The following PKD1 variants were observed in gnomAD, a reference collection of about 807,000 sequenced individuals.
The protein encoded by PKD1 is polycystin-1.
PKD1 carries 81 observed loss-of-function variants against 361.7 expected under a neutral mutation model. That is an observed-to-expected ratio of 0.22 (90% CI 0.19 to 0.27). PKD1 has a LOEUF of 0.27. Ranked by LOEUF, PKD1 falls within the 10% of genes least tolerant of loss-of-function variation. The probability of loss-of-function intolerance (pLI) is 1.00; values close to 1 mark genes in which losing one functional copy is unlikely to be tolerated. For synonymous variants in PKD1, 3,615 were observed against 2,818.3 expected, an observed-to-expected ratio of 1.28 and a Z score of -8.95; for missense variants, 6,399 against 6,118.3, an observed-to-expected ratio of 1.05 and a Z score of -1.53.
At chr16:2,113,379 G>A (rs994384616) in intron 11 of PKD1, 87 bp from the exon 12 acceptor site, 1 of 1,288,102 alleles carries the variant, frequency 7.8e-7, no homozygotes, top group East Asian at 2.3e-5. Context: ...CGTCGGGCTG[G>A]AGAGTCCCAC....
At position 2,097,444 on chromosome 16, in the gene PKD1, G is replaced by T. The variant is rs531914267; in HGVS notation, c.10280C>A (p.Pro3427Gln). The T allele has an allele frequency of 1.2e-6, 2 of 1,606,438 alleles. No homozygotes were observed. The highest frequency in any genetic ancestry group is 1.7e-5 in the Admixed American group (1 of 60,006). Residue 3427 changes from proline to glutamine, a missense_variant, in exon 33 of 46, where the codon CCG (proline) becomes CAG (glutamine). Transcript: ENST00000262304. ...CCGCAGATTGCTACCCACAATGGAC[G>T]GGTCACTGAGCAGGTCCGGCCAACT... ...TLSWPDLLSD[P>Q]SIVGSNLRQL...
chr16:2,111,129 T>C lies in PKD1; in HGVS notation c.4038A>G (p.Thr1346=). Residue 1346 remains threonine, a synonymous_variant, in exon 15 of 46, where the codon ACA becomes ACG. Transcript: ENST00000262304. The stretch of plus-strand genomic sequence containing the variant: ...ACGTGCCGCTCCGCGTGAAGTTGTG[T>C]GTCACCGTCGGGCACCCCCGCACGG... ...NTTVRGCPTV[T]HNFTRSGTFP... The C allele has an allele frequency of 6.2e-7, 1 of 1,610,946 alleles. No individual in the cohort carries two copies. The highest frequency in any genetic ancestry group is 1.1e-5 in the South Asian group (1 of 91,014).
rs1454947432 is a variant in PKD1, at chr16:2,090,555, C to T, written c.12174G>A (p.Val4058=). 2 of 1,609,502 alleles carry T rather than the reference C, an allele frequency of 1.2e-6. No homozygotes were observed. Among genetic ancestry groups the T allele is most frequent in the South Asian group, 2.2e-5 (2 of 90,984 alleles). The part of the protein sequence containing the change: ...VSSCVDSLWS[V]AQALLVLCPG... ...GGCACAGCACCAACAGGGCCTGGGCCACGCTCCAGAGGGAGTCCACACAGG... is the reference window on the plus strand; with the variant it reads ...GGCACAGCACCAACAGGGCCTGGGCTACGCTCCAGAGGGAGTCCACACAGG... The change falls in exon 45 of 46, where the codon GTG becomes GTA. Residue 4058 remains valine (V), a synonymous_variant. Transcript: ENST00000262304.
Position 2,097,357 on chromosome 16 carries a change from G to A in PKD1, c.10367C>T (p.Ala3456Val). 6.2e-7 allele frequency: 1 copy of A among 1,612,328 alleles called. No homozygotes were observed. The highest frequency in any genetic ancestry group is 8.5e-7 in the Non-Finnish European group (1 of 1,179,966). Residue 3456 changes from alanine (A) to valine (V), a missense_variant, in exon 33 of 46, where the codon GCC becomes GTC. Coordinates refer to ENST00000262304, the MANE Select transcript of PKD1 (RefSeq NM_001009944.3). Reference protein sequence around the residue: ...LGPEEDGFSLASPYSPAKSFS... With the variant: ...LGPEEDGFSLVSPYSPAKSFS... The stretch of plus-strand genomic sequence containing the variant: ...GGATTTGGCAGGCGAGTAGGGGCTG[G>A]CCAGGGAGAAGCCGTCCTCCTCTGG...
chr16:2,111,548 G>A lies in PKD1; in HGVS notation c.3619C>T (p.Arg1207Cys), dbSNP rs777331724. 5.0e-6 allele frequency: 8 copies of A among 1,593,864 alleles called. No homozygotes were observed. Among genetic ancestry groups the A allele is most frequent in the South Asian group, 2.3e-5 (2 of 88,860 alleles). The change falls in exon 15 of 46, where the codon CGC (arginine) becomes TGC (cysteine). Residue 1207 changes from arginine (R) to cysteine (C), a missense_variant. By Grantham distance (180) the Arg-to-Cys change is radical (BLOSUM62 -3). Transcript: ENST00000262304. ...VSGAAAQADV[R>C]VFEELRGLSV... Reference sequence around the variant, plus strand: ...AGTCCGCGGAGCTCCTCAAAGACGCGCACATCCGCCTGGGCCGCCGCACCG... The same window carrying A: ...AGTCCGCGGAGCTCCTCAAAGACGCACACATCCGCCTGGGCCGCCGCACCG...
rs1405303182 is a variant in PKD1 at position 2,112,914 on chromosome 16, G to T, written c.3035C>A (p.Thr1012Asn). Residue 1012 changes from threonine to asparagine, a missense_variant, in exon 13 of 46, where the codon ACC (threonine) becomes AAC (asparagine). Transcript: ENST00000262304. ...VSNVTVNYNV[T>N]VERMNRMQGL... is the part of the protein sequence containing the mutation. ...CTGCATCCTGTTCATCCGCTCCACG[G>T]TTACGTTGTAGTTCACGGTGACGTT... 6.2e-7 allele frequency: 1 copy of T among 1,606,070 alleles called. No homozygotes were observed. Among genetic ancestry groups the T allele is most frequent in the East Asian group, 2.2e-5 (1 of 44,886 alleles).
chr16:2,111,839 C>A lies in PKD1; in HGVS notation c.3328G>T (p.Ala1110Ser), dbSNP rs1343100088. The A allele has an allele frequency of 6.2e-7, 1 of 1,610,294 alleles. No homozygotes were observed. Among genetic ancestry groups the A allele is most frequent in the Non-Finnish European group, 8.5e-7 (1 of 1,179,554 alleles). ...ACCTGCTGCGTCAGGTTCTCGAAGGCATTAGATGCCAGCACGGTCAGGAGG... is the reference window on the plus strand; with the variant it reads ...ACCTGCTGCGTCAGGTTCTCGAAGGAATTAGATGCCAGCACGGTCAGGAGG... ...EYLLTVLASN[A>S]FENLTQQVPV... Residue 1110 changes from alanine (A) to serine (S), a missense_variant, in exon 15 of 46, where the codon GCC becomes TCC. Physicochemically the swap from Ala to Ser is moderately conservative, Grantham distance 99. Coordinates refer to ENST00000262304, the MANE Select transcript of PKD1 (RefSeq NM_001009944.3).
chr16:2,105,253 G>A lies in PKD1; in HGVS notation c.8016+69C>T, dbSNP rs552038408. ...AGCTCCTCGGCCAAGCTGCCCGTCT[G>A]CCCTGGGGGGCTGAACCCAGTGCCC... On this transcript the variant is annotated intron_variant, in intron 21 of 45. Coordinates refer to ENST00000262304, the MANE Select transcript of PKD1 (RefSeq NM_001009944.3). 7.8e-6 allele frequency: 12 copies of A among 1,537,218 alleles called. No homozygotes were observed. The East Asian group carries it at 2.5e-4, about 32-fold the overall frequency.
rs1349833046 is a variant in PKD1, at chr16:2,114,920, G to C, written c.2103C>G (p.Thr701=). Residue 701 remains threonine, a synonymous_variant, in exon 11 of 46, where the codon ACC becomes ACG. Coordinates refer to ENST00000262304, the MANE Select transcript of PKD1 (RefSeq NM_001009944.3). ...PAGPPAQYSV[T]LHGQDVLMLP... The stretch of plus-strand genomic sequence containing the variant: ...GCATGAGGACATCCTGGCCGTGGAG[G>C]GTGACCTGTGGAGAGGGAGGCAGGG... 2.0e-6 allele frequency: 3 copies of C among 1,530,276 alleles called. No homozygotes were observed. The African/African-American group carries it at 4.1e-5, about 21-fold the overall frequency. 94.8% of individuals were successfully genotyped at this position (1,530,276 alleles called of 1,614,324 possible).
chr16:2,125,001 C>A (rs369053606), intron 1 of PKD1, among the ~76,000 whole-genome samples: 3 of 152,196 alleles, frequency 2.0e-5, no homozygotes, highest in African/African-American at 4.8e-5. Context: ...AGGAAATGGG[C>A]TGCAGTGTGG....
At position 2,109,590 on chromosome 16, in the gene PKD1, A is replaced by G. The variant is rs140662778; in HGVS notation, c.5577T>C (p.Ala1859=). ...GPHVTMVFPD[A]GTFSIRLNAS... is the part of the protein sequence containing the mutation. Reference sequence around the variant, plus strand: ...CATTGAGCCGGATGGAGAAGGTGCCAGCATCCGGGAAGACCATGGTGACAT... The same window carrying G: ...CATTGAGCCGGATGGAGAAGGTGCCGGCATCCGGGAAGACCATGGTGACAT... The change falls in exon 15 of 46, where the codon GCT becomes GCC. Residue 1859 remains alanine (A), a synonymous_variant. Transcript: ENST00000262304. 2.6e-4 allele frequency: 420 copies of G among 1,611,380 alleles called. 1 individual carries two copies. Among genetic ancestry groups the G allele is most frequent in the Middle Eastern group, 1.7e-3 (10 of 5,822 alleles).
rs2091248537 is a variant in PKD1, at chr16:2,088,747, G to C, written c.*980C>G. 1 of 1,262,094 alleles carries C rather than the reference G, an allele frequency of 7.9e-7. No homozygotes were observed. 78.2% of individuals were successfully genotyped at this position (1,262,094 alleles called of 1,614,324 possible). ...CTCTTTTATTGACTTTGTCTGCTTGGTGCGGGGGTTGGGGGGGTGTCGAGG... is the reference window on the plus strand; with the variant it reads ...CTCTTTTATTGACTTTGTCTGCTTGCTGCGGGGGTTGGGGGGGTGTCGAGG... On this transcript the variant is annotated 3_prime_UTR_variant, in exon 46 of 46. Coordinates refer to ENST00000262304, the MANE Select transcript of PKD1 (RefSeq NM_001009944.3).
rs760951921 is a variant in PKD1 at position 2,113,182 on chromosome 16, G to A, written c.2964C>T (p.Ser988=). The part of the protein sequence containing the change: ...QNVVFNVIYQ[S]AAVFKLSLTA... ...CTACTGAGAGCTTGAAGACCGCCGC[G>A]CTCTGATAAATGACATTGAAGACCA... Residue 988 remains serine (S), a synonymous_variant, in exon 12 of 46, where the codon AGC becomes AGT. Coordinates refer to ENST00000262304, the MANE Select transcript of PKD1 (RefSeq NM_001009944.3). 1.8e-5 allele frequency: 20 copies of A among 1,088,016 alleles called. No homozygotes were observed. Among genetic ancestry groups the A allele is most frequent in the East Asian group, 9.5e-5 (4 of 41,990 alleles). 67.4% of individuals were successfully genotyped at this position (1,088,016 alleles called of 1,614,324 possible). A position where few individuals can be genotyped will look rare whatever the true frequency, so the allele number is the denominator to read the frequency against.
At position 2,114,666 on chromosome 16, in the gene PKD1, G is replaced by C; in HGVS notation, c.2357C>G (p.Pro786Arg). Residue 786 changes from proline (P) to arginine (R), a missense_variant, in exon 11 of 46, where the codon CCC (proline) becomes CGC (arginine). Pro to Arg is a moderately radical substitution (Grantham distance 103). Coordinates refer to ENST00000262304, the MANE Select transcript of PKD1 (RefSeq NM_001009944.3). ...EQLTVLLGLR[P>R]NPGLRLPGRY... is the part of the protein sequence containing the mutation. Reference sequence around the variant, plus strand: ...CCCAGGCAGCCGCAGTCCAGGGTTGGGCCTCAAGCCCAGCAGCACGGTGAG... The same window carrying C: ...CCCAGGCAGCCGCAGTCCAGGGTTGCGCCTCAAGCCCAGCAGCACGGTGAG... 4 of 1,549,064 alleles carry C rather than the reference G, an allele frequency of 2.6e-6. No homozygotes were observed. Among genetic ancestry groups the C allele is most frequent in the Non-Finnish European group, 3.5e-6 (4 of 1,155,898 alleles).
At chr16:2,101,025 AC>A (rs1218731937) in intron 26 of PKD1, among the ~76,000 whole-genome samples, 1 of 151,218 alleles carries the variant, frequency 6.6e-6, no homozygotes, top group Non-Finnish European at 1.5e-5. Flanking sequence ...TTGCTGTGTC[AC>A]CCAGGCTGGA....
chr16:2,092,440 A>AG, intron 39 of PKD1, 40 bp downstream of exon 39: 1 of 1,362,584 alleles, frequency 7.3e-7, no homozygotes, highest in South Asian at 1.2e-5. Flanking sequence ...TCTCAACAAG[A>AG]GGAACGATTT....
At chr16:2,095,586 G>A (rs1421792145) in intron 34 of PKD1, among the ~76,000 whole-genome samples, 1 of 152,250 alleles carries the variant, frequency 6.6e-6, no homozygotes, top group Non-Finnish European at 1.5e-5. Flanking sequence ...GACGGAGGGT[G>A]CAGGCTCAGG....
chr16:2,099,823 G>T (rs1026734906), intron 29 of PKD1, 38 bp downstream of exon 29: 7 of 1,556,954 alleles, frequency 4.5e-6, no homozygotes, highest in Non-Finnish European at 4.3e-6. Context: ...AGGAAGGGCT[G>T]GGCAGGAAGA....
rs1344452327 is a variant in PKD1 at position 2,118,293 on chromosome 16, C to G, written c.699G>C (p.Gly233=). The G allele has an allele frequency of 1.3e-6, 2 of 1,529,828 alleles. No individual in the cohort carries two copies. The highest frequency in any genetic ancestry group is 2.7e-5 in the African/African-American group (2 of 72,974). The allele number at this position is 1,529,828 out of a possible 1,614,324, so 94.8% of individuals were successfully genotyped here. A position where few individuals can be genotyped will look rare whatever the true frequency, so the allele number is the denominator to read the frequency against. Reference sequence around the variant, plus strand: ...AGGAGGCACTGGAGGGCTGGGCCGCCCCACACAGGCACCAGCCCTGCTCCG... The same window carrying G: ...AGGAGGCACTGGAGGGCTGGGCCGCGCCACACAGGCACCAGCCCTGCTCCG... ...ALSEQGWCLC[G]AAQPSSASFA... is the part of the protein sequence containing the mutation. Residue 233 remains glycine, a synonymous_variant, in exon 5 of 46, where the codon GGG becomes GGC. Coordinates refer to ENST00000262304, the MANE Select transcript of PKD1 (RefSeq NM_001009944.3). The surrounding 1 kb of genome is among the most constrained non-coding windows in gnomAD (Gnocchi z 6.0).
Sources: allele counts gnomAD v4.1 joint callset (sites outside exome capture counted in the v4.1 genomes callset), GRCh38; gene constraint gnomAD v4.1.1; non-coding constraint Gnocchi (gnomAD v3.1); transcripts MANE v1.5; gene names NCBI Gene and HGNC (gene_info 2026-07-23, HGNC 2026-07-21).